The following WASHC4 variants were observed in gnomAD, a reference collection of about 807,000 sequenced individuals.
WASHC4 encodes the protein WASH complex subunit 7.
A neutral mutation model predicts 166.6 loss-of-function variants in WASHC4; 86 were observed. The ratio of observed to expected loss-of-function variants is 0.52; its 90% confidence interval spans 0.43 to 0.62. The LOEUF (loss-of-function observed/expected upper bound fraction) is 0.62. Among genes scored for constraint, WASHC4 ranks in the 20% least tolerant of loss-of-function variants. The pLI is 0.00. For missense variants in WASHC4, 1,262 were observed against 1,382.4 expected, an observed-to-expected ratio of 0.91 and a Z score of 1.38; for synonymous variants, 446 against 451.6, an observed-to-expected ratio of 0.99 and a Z score of 0.16.
At chr12:105,156,866 GT>G in intron 27 of WASHC4, 74 bp downstream of exon 27, 1 of 1,046,754 alleles carries the variant, frequency 9.6e-7, no homozygotes, top group Non-Finnish European at 1.5e-6. Context: ...TATGTTACAA[GT>G]GATATTGTAG....
chr12:105,136,316 C>G (rs992753418), intron 14 of WASHC4, among the ~76,000 whole-genome samples: 1 of 152,086 alleles, frequency 6.6e-6, no homozygotes, highest in Admixed American at 6.6e-5. Context: ...ACCCTGAATG[C>G]CAGGATCACT....
chr12:105,129,487 C>CA (rs1881604618), intron 13 of WASHC4, among the ~76,000 whole-genome samples: 1 of 152,160 alleles, frequency 6.6e-6, no homozygotes, highest in African/African-American at 2.4e-5. Flanking sequence ...GTTTGTTGTG[C>CA]AGATTACTTC....
intron 26 of WASHC4, chr12:105,155,320 TG>T: frequency 6.6e-6 from 1 of 152,306 alleles, no homozygotes; most frequent in Non-Finnish European, 1.5e-5. Context: ...TAAATAAGGT[TG>T]GGGAGTAAGC....
chr12:105,164,364 T>G, intron 31 of WASHC4, 57 bp downstream of exon 31: 1 of 1,447,692 alleles, frequency 6.9e-7, no homozygotes, highest in Non-Finnish European at 9.7e-7. Context: ...TATCCATGAC[T>G]TCTTAATGTC....
intron 7 of WASHC4, 24 bp downstream of exon 7, chr12:105,118,552 TG>T (rs767241506): frequency 6.9e-7 from 1 of 1,440,702 alleles, no homozygotes; most frequent in Admixed American, 1.7e-5. Context: ...GAAATATTTT[TG>T]CTTTTATAAT....
intron 18 of WASHC4, among the ~76,000 whole-genome samples, chr12:105,142,131 T>TGA (rs1882918488): frequency 6.6e-6 from 1 of 152,128 alleles, no homozygotes; most frequent in South Asian, 2.1e-4. Context: ...GAGTTTGTTT[T>TGA]TATTTACCAA....
At chr12:105,110,055 G>A (rs1262633199) in intron 1 of WASHC4, among the ~76,000 whole-genome samples, 2 of 152,140 alleles carry the variant, frequency 1.3e-5, no homozygotes, top group Non-Finnish European at 2.9e-5. Context: ...TGTGCTTGGC[G>A]TTCATTAATT....
intron 24 of WASHC4, 174 bp downstream of exon 24, chr12:105,147,320 G>A: frequency 1.6e-6 from 1 of 613,772 alleles, no homozygotes; most frequent in Non-Finnish European, 2.9e-6. Flanking sequence ...TGTGTTGGAT[G>A]TGATGGGAGC....
Position 105,127,250 on chromosome 12 carries a change from G to A in WASHC4, c.1160G>A (p.Arg387Lys). 6.2e-7 allele frequency: 1 copy of A among 1,612,206 alleles called. No individual in the cohort carries two copies. Among genetic ancestry groups the A allele is most frequent in the African/African-American group, 1.3e-5 (1 of 74,952 alleles). ...AGTCTTCAAGCCATTAAAATACACAGGGATACTTTTCTACAACAGAAAGCT... is the reference window on the plus strand; with the variant it reads ...AGTCTTCAAGCCATTAAAATACACAAGGATACTTTTCTACAACAGAAAGCT... ...RKSLQAIKIH[R>K]DTFLQQKAQS... The change falls in exon 13 of 33, where the codon AGG (arginine) becomes AAG (lysine). Residue 387 changes from arginine (R) to lysine (K), a missense_variant. By Grantham distance (26) the Arg-to-Lys change is conservative (BLOSUM62 2). Transcript: ENST00000332180.
At position 105,107,753 on chromosome 12, in the gene WASHC4, T is replaced by G. The variant is rs904076174; in HGVS notation, c.-48T>G. The stretch of plus-strand genomic sequence containing the variant: ...GACAGTAGCTGGGGTGAGGCCGTCG[T>G]CGCCGCACGGGCTGGTTGGGGCTGT... On this transcript the variant is annotated 5_prime_UTR_variant, in exon 1 of 33. Coordinates refer to ENST00000332180, the MANE Select transcript of WASHC4 (RefSeq NM_015275.3). 1.4e-6 allele frequency: 2 copies of G among 1,441,330 alleles called. No individual in the cohort carries two copies. The highest frequency in any genetic ancestry group is 4.0e-5 in the Admixed American group (2 of 50,262). The allele number at this position is 1,441,330 out of a possible 1,614,324, so 89.3% of individuals were successfully genotyped here. A position where few individuals can be genotyped will look rare whatever the true frequency, so the allele number is the denominator to read the frequency against.
At position 105,142,490 on chromosome 12, in the gene WASHC4, C is replaced by G; in HGVS notation, c.1825C>G (p.His609Asp). The G allele has an allele frequency of 1.2e-6, 2 of 1,610,636 alleles. No homozygotes were observed. The highest frequency in any genetic ancestry group is 1.7e-6 in the Non-Finnish European group (2 of 1,177,634). ...TQCDCCFLYW[H>D]RAVFPIYLDD... ...ATGTGACTGTTGTTTTTTATACTGG[C>G]ATCGAGCTGTCTTCCCAATTTATTT... The change falls in exon 19 of 33, where the codon CAT becomes GAT. Residue 609 changes from histidine (H) to aspartate (D), a missense_variant. His to Asp is a moderately conservative substitution (Grantham distance 81). Coordinates refer to ENST00000332180, the MANE Select transcript of WASHC4 (RefSeq NM_015275.3).
In WASHC4 at chr12:105,156,738, G is replaced by A; in HGVS notation, c.2771G>A (p.Gly924Asp). Residue 924 changes from glycine to aspartate, a missense_variant, in exon 27 of 33, where the codon GGC (glycine) becomes GAC (aspartate). Gly to Asp is a moderately conservative substitution (Grantham distance 94). Coordinates refer to ENST00000332180, the MANE Select transcript of WASHC4 (RefSeq NM_015275.3). ...QLISQIGNAMGYVRMIRSGGL... is the reference protein window; with the variant it reads ...QLISQIGNAMDYVRMIRSGGL... Reference sequence around the variant, plus strand: ...TGTGGTTTTTAAGGTAATGCTATGGGCTATGTACGAATGATAAGATCTGGT... The same window carrying A: ...TGTGGTTTTTAAGGTAATGCTATGGACTATGTACGAATGATAAGATCTGGT... 6.2e-7 allele frequency: 1 copy of A among 1,611,020 alleles called. No individual in the cohort carries two copies. Among genetic ancestry groups the A allele is most frequent in the Non-Finnish European group, 8.5e-7 (1 of 1,177,788 alleles).
chr12:105,113,236 A>T (rs1439248167), intron 2 of WASHC4, among the ~76,000 whole-genome samples: 1 of 152,058 alleles, frequency 6.6e-6, no homozygotes, highest in African/African-American at 2.4e-5. Context: ...TTGATTTTTT[A>T]AACAGATGCT....
chr12:105,156,575 C>G, intron 26 of WASHC4, 151 bp from the exon 27 acceptor site: 1 of 537,660 alleles, frequency 1.9e-6, no homozygotes, highest in Non-Finnish European at 3.3e-6. Context: ...AACAGTTTTA[C>G]TTTTTATGAT....
intron 15 of WASHC4, 99 bp downstream of exon 15, chr12:105,138,110 A>G (rs757243128): frequency 1.2e-4 from 142 of 1,216,982 alleles, no homozygotes; most frequent in Non-Finnish European, 1.6e-4. Context: ...ATTATATGAG[A>G]ACAGAAAATT....
intron 18 of WASHC4, 136 bp from the exon 19 acceptor site, chr12:105,142,317 C>G (rs1424894271): frequency 3.0e-6 from 2 of 662,628 alleles, no homozygotes; most frequent in South Asian, 3.3e-5. Flanking sequence ...CTTTTCTATA[C>G]TATGTTGGGT....
intron 19 of WASHC4, 50 bp from the exon 20 acceptor site, chr12:105,143,077 T>C (rs772953227): frequency 1.3e-5 from 15 of 1,143,252 alleles, no homozygotes; most frequent in Admixed American, 3.4e-5. Context: ...ATTGTTTAGA[T>C]TAGAGACCTG....
rs765655216 is a variant in WASHC4 at position 105,137,976 on chromosome 12, G to A, written c.1417G>A (p.Val473Ile). ...GCAAAAGCCAATGACCAAAACCTCA[G>A]TTAAGGCATTGTGCAGGCTTGTTGA... ...SMQKPMTKTS[V>I]KALCRLVELL... The change falls in exon 15 of 33, where the codon GTT becomes ATT. Residue 473 changes from valine to isoleucine, a missense_variant. Val to Ile is a conservative substitution (Grantham distance 29). Coordinates refer to ENST00000332180, the MANE Select transcript of WASHC4 (RefSeq NM_015275.3). 1 of 1,613,148 alleles carries A rather than the reference G, an allele frequency of 6.2e-7. No individual in the cohort carries two copies. Among genetic ancestry groups the A allele is most frequent in the South Asian group, 1.1e-5 (1 of 91,044 alleles).
At chr12:105,108,484 C>G (rs541255780) in intron 1 of WASHC4, among the ~76,000 whole-genome samples, 3 of 152,268 alleles carry the variant, frequency 2.0e-5, no homozygotes, top group African/African-American at 7.2e-5. Flanking sequence ...TCTGCAGTTT[C>G]CATCGCAGTT....
Sources: allele counts gnomAD v4.1 joint callset (sites outside exome capture counted in the v4.1 genomes callset), GRCh38; gene constraint gnomAD v4.1.1; transcripts MANE v1.5; gene names NCBI Gene and HGNC (gene_info 2026-07-23, HGNC 2026-07-21).